GPHN: variants seen among roughly 807,000 people sequenced by gnomAD.
The protein encoded by GPHN is gephyrin.
A neutral mutation model predicts 95.5 loss-of-function variants in GPHN; 17 were observed. That is an observed-to-expected ratio of 0.18 (90% CI 0.12 to 0.27). The LOEUF (loss-of-function observed/expected upper bound fraction) is 0.27. GPHN is among the 10% of genes least tolerant of loss of function. The pLI is 1.00. For missense variants in GPHN, 660 were observed against 978.1 expected (o/e 0.67, Z 4.34); for synonymous variants, 320 against 322.5 (o/e 0.99, Z 0.08).
At chr14:67,729,924 C>G in the GPHN span, 1 of 418,068 alleles carries the variant, frequency 2.4e-6, no homozygotes, top group East Asian at 7.0e-5. Context: ...AATCTCTTTC[C>G]CATTCCATGA....
intron 1 of GPHN, among the ~76,000 whole-genome samples, chr14:66,515,077 T>C (rs1412006431): frequency 1.3e-5 from 2 of 152,050 alleles, no homozygotes; most frequent in Non-Finnish European, 2.9e-5. Context: ...ATGCCTAGCA[T>C]TTTCAGATGA....
intron 3 of GPHN, among the ~76,000 whole-genome samples, chr14:66,799,446 C>A (rs749164383): frequency 5.3e-5 from 8 of 151,952 alleles, no homozygotes; most frequent in Non-Finnish European, 8.8e-5. Flanking sequence ...TGGGGCCTCT[C>A]TCTCTTTAGC....
At chr14:66,680,268 TCCCCA>T (rs777935103) in intron 1 of GPHN, among the ~76,000 whole-genome samples, 41 of 152,334 alleles carry the variant, frequency 2.7e-4, no homozygotes, top group South Asian at 8.3e-4. Context: ...TTCCTCTGGC[TCCCCA>T]CCCACTAAGG....
the GPHN span, among the ~76,000 whole-genome samples, chr14:67,327,946 T>A: frequency 6.6e-6 from 1 of 152,230 alleles, no homozygotes; most frequent in Non-Finnish European, 1.5e-5. Context: ...TCAATGTACG[T>A]GTGCATGTGT....
At chr14:67,694,460 A>T in the GPHN span, among the ~76,000 whole-genome samples, 9 of 142,806 alleles carry the variant, frequency 6.3e-5, no homozygotes, top group African/African-American at 2.3e-4. Flanking sequence ...ATACACACAC[A>T]CACACATATA....
At chr14:66,789,313 C>T (rs1437426301) in intron 3 of GPHN, among the ~76,000 whole-genome samples, 1 of 152,186 alleles carries the variant, frequency 6.6e-6, no homozygotes, top group East Asian at 1.9e-4. Flanking sequence ...TTTCCTTACA[C>T]TTTGCATGTA....
the GPHN span, chr14:67,690,286 T>A: frequency 6.2e-7 from 1 of 1,614,164 alleles, no homozygotes. Flanking sequence ...CAGGCCTGCA[T>A]TGTAGAATTT....
At chr14:67,319,750 A>G in the GPHN span, among the ~76,000 whole-genome samples, 5 of 152,344 alleles carry the variant, frequency 3.3e-5, no homozygotes, top group Admixed American at 3.3e-4. Flanking sequence ...GAACTATAGG[A>G]AAGTATTCCA....
chr14:66,752,076 T>A (rs1428252990), intron 2 of GPHN, among the ~76,000 whole-genome samples: 1 of 152,102 alleles, frequency 6.6e-6, no homozygotes, highest in Non-Finnish European at 1.5e-5. Flanking sequence ...TTCTGCTAGC[T>A]TCCAACTTTT....
the GPHN span, among the ~76,000 whole-genome samples, chr14:67,496,635 C>T: frequency 6.6e-6 from 1 of 150,962 alleles, no homozygotes; most frequent in East Asian, 1.9e-4. Flanking sequence ...CTTTTCCCTT[C>T]CCCTTTTCTT....
At chr14:67,303,003 T>C in the GPHN span, among the ~76,000 whole-genome samples, 1 of 152,224 alleles carries the variant, frequency 6.6e-6, no homozygotes, top group Non-Finnish European at 1.5e-5. Flanking sequence ...GTGTCCGGCA[T>C]AATAATCACT....
At chr14:67,390,821 G>A in the GPHN span, 1 of 1,048,346 alleles carries the variant, frequency 9.5e-7, no homozygotes, top group Non-Finnish European at 1.5e-6. Flanking sequence ...TGCATGTAAT[G>A]CCAAACCCCC....
chr14:67,046,560 A>G (rs117435104), intron 10 of GPHN, among the ~76,000 whole-genome samples: 1,833 of 152,314 alleles, frequency 0.012, 19 homozygotes, highest in Non-Finnish European at 0.018. Context: ...TAAATTATGA[A>G]GCTAACATTT....
intron 2 of GPHN, chr14:66,709,509 A>G: frequency 4.7e-6 from 2 of 424,868 alleles, no homozygotes; most frequent in South Asian, 3.4e-5. Flanking sequence ...CACTGGACAA[A>G]GGGATGATTC....
the GPHN span, among the ~76,000 whole-genome samples, chr14:67,327,482 A>T: frequency 2.4e-4 from 36 of 149,406 alleles, no homozygotes; most frequent in Admixed American, 6.7e-5. Flanking sequence ...ATGTATTTTT[A>T]TTTTATTTTT....
At chr14:66,919,908 TA>T (rs68078081) in intron 6 of GPHN, among the ~76,000 whole-genome samples, 2,572 of 150,898 alleles carry the variant, frequency 0.017, 30 homozygotes, top group Non-Finnish European at 0.026. Flanking sequence ...CTACTAAAAA[TA>T]AAAAAAAACT....
intron 3 of GPHN, among the ~76,000 whole-genome samples, chr14:66,785,240 C>G (rs2059732365): frequency 6.6e-6 from 1 of 152,178 alleles, no homozygotes; most frequent in African/African-American, 2.4e-5. Context: ...GTGGCACATG[C>G]CTGTAGTCCC....
At chr14:66,517,902 C>T (rs1385022548) in intron 1 of GPHN, among the ~76,000 whole-genome samples, 1 of 151,794 alleles carries the variant, frequency 6.6e-6, no homozygotes, top group Non-Finnish European at 1.5e-5. Flanking sequence ...ATAAATAAGA[C>T]CTCAAAAGCA....
the GPHN span, chr14:67,653,340 G>T: frequency 1.0e-6 from 1 of 1,004,974 alleles, no homozygotes. Flanking sequence ...GTCAACTGCT[G>T]AGGTGCTTTA....
Sources: gnomAD v4.1 joint callset for allele counts (sites outside exome capture counted in the v4.1 genomes callset) on GRCh38, gnomAD v4.1.1 for gene constraint, MANE v1.5 for transcripts, NCBI Gene and HGNC (gene_info 2026-07-23, HGNC 2026-07-21) for gene names.